The following SMIM14 variants were observed in gnomAD, a reference collection of about 807,000 sequenced individuals.
The protein encoded by SMIM14 is chromosome 4 open reading frame 34.
A neutral mutation model predicts 12.6 loss-of-function variants in SMIM14; 5 were observed. The observed-to-expected ratio is 0.40, with a 90% confidence interval of 0.21 to 0.83. The LOEUF is 0.83. Among genes scored for constraint, SMIM14 ranks in the 40% least tolerant of loss-of-function variants. The pLI is 0.37. For missense variants in SMIM14, 86 were observed against 119.1 expected, an observed-to-expected ratio of 0.72 and a Z score of 1.29; for synonymous variants, 30 against 40.1, an observed-to-expected ratio of 0.75 and a Z score of 0.95.
Position 39,610,276 on chromosome 4 carries a change from C to T in SMIM14, c.-35-5096G>A, listed in dbSNP as rs143907083. Among the ~76,000 whole-genome samples, 5 of 152,226 alleles carry T rather than the reference C, an allele frequency of 3.3e-5. No homozygotes were observed. In the East Asian group the frequency reaches 5.8e-4, roughly 18 times the overall value. Reference sequence around the variant, plus strand: ...TGCTGAAATTACAGGTGTGAGCCACCGCGCCTGGTCCAATTTAACTTTTAA... The same window carrying T: ...TGCTGAAATTACAGGTGTGAGCCACTGCGCCTGGTCCAATTTAACTTTTAA... On this transcript the variant is annotated intron_variant, in intron 1 of 4. Transcript: ENST00000295958.
At chr4:39,638,696 G>A (rs1716198130) in intron 1 of SMIM14, 43 bp downstream of exon 1, 1 of 985,384 alleles carries the variant, frequency 1.0e-6, no homozygotes, top group Non-Finnish European at 1.2e-6. Flanking sequence ...GGCGAGGGGA[G>A]GGTGAGCCAG....
At chr4:39,553,717 A>G (rs1578305371) in intron 4 of SMIM14, among the ~76,000 whole-genome samples, 1 of 150,542 alleles carries the variant, frequency 6.6e-6, no homozygotes, top group Non-Finnish European at 1.5e-5. Context: ...CCTCAGCCTC[A>G]CAAGTAGCTG....
chr4:39,630,331 A>G (rs1017447625), intron 1 of SMIM14, among the ~76,000 whole-genome samples: 6 of 152,202 alleles, frequency 3.9e-5, no homozygotes, highest in Non-Finnish European at 7.3e-5. Context: ...ACTTGAGCCC[A>G]GGAGTTCAAG....
intron 2 of SMIM14, among the ~76,000 whole-genome samples, chr4:39,603,955 G>T (rs1432429141): frequency 6.6e-6 from 1 of 150,942 alleles, no homozygotes; most frequent in African/African-American, 2.4e-5. Context: ...AGGTTGCAGT[G>T]AGCCGAGATC....
At chr4:39,624,994 C>T (rs1329426568) in intron 1 of SMIM14, among the ~76,000 whole-genome samples, 1 of 150,876 alleles carries the variant, frequency 6.6e-6, no homozygotes, top group East Asian at 2.0e-4. Flanking sequence ...ATCATGAGGT[C>T]AGGAGTTTGA....
intron 1 of SMIM14, among the ~76,000 whole-genome samples, chr4:39,619,145 G>T (rs1010996097): frequency 1.4e-5 from 2 of 147,820 alleles, no homozygotes. Flanking sequence ...TGAGAAAATT[G>T]AGATAATTAT....
At chr4:39,622,488 C>T (rs188207004) in intron 1 of SMIM14, among the ~76,000 whole-genome samples, 48 of 152,348 alleles carry the variant, frequency 3.2e-4, no homozygotes, top group Non-Finnish European at 6.6e-4. Flanking sequence ...GCAACCTCCA[C>T]CTCCCGGATT....
chr4:39,627,834 G>A (rs896919404), intron 1 of SMIM14, among the ~76,000 whole-genome samples: 2 of 152,184 alleles, frequency 1.3e-5, no homozygotes, highest in African/African-American at 4.8e-5. Flanking sequence ...CCTGGTCAAG[G>A]TCCAGGGGTA....
At chr4:39,606,714 T>C (rs1714825737) in intron 1 of SMIM14, among the ~76,000 whole-genome samples, 1 of 149,134 alleles carries the variant, frequency 6.7e-6, no homozygotes, top group Non-Finnish European at 1.5e-5. Flanking sequence ...GAAAAACAAA[T>C]GAGATGAGCC....
At chr4:39,605,712 C>A (rs1006336329) in intron 1 of SMIM14, among the ~76,000 whole-genome samples, 1 of 152,136 alleles carries the variant, frequency 6.6e-6, no homozygotes, top group South Asian at 2.1e-4. Flanking sequence ...AAAAATTAGA[C>A]AAAATACATG....
At chr4:39,630,209 C>T (rs936257241) in intron 1 of SMIM14, among the ~76,000 whole-genome samples, 2 of 151,858 alleles carry the variant, frequency 1.3e-5, no homozygotes, top group Non-Finnish European at 2.9e-5. Flanking sequence ...GACCAGCCTG[C>T]CAAGGTGGTG....
chr4:39,631,121 C>T (rs2109257336), intron 1 of SMIM14, among the ~76,000 whole-genome samples: 1 of 151,912 alleles, frequency 6.6e-6, no homozygotes, highest in African/African-American at 2.4e-5. Flanking sequence ...CACTTGAGGT[C>T]AGGAGTTCGA....
intron 1 of SMIM14, among the ~76,000 whole-genome samples, chr4:39,614,315 T>G (rs2110067086): frequency 6.6e-6 from 1 of 151,798 alleles, no homozygotes; most frequent in African/African-American, 2.4e-5. Flanking sequence ...TCTGGGGAGT[T>G]CCTATGCTAC....
Position 39,576,868 on chromosome 4 carries a change from C to T in SMIM14, c.76-4405G>A, listed in dbSNP as rs187132890. On this transcript the variant is annotated intron_variant, in intron 2 of 4. Coordinates refer to ENST00000295958, the MANE Select transcript of SMIM14 (RefSeq NM_174921.3). ...CTGGGATTACAGGCGCCTGCCATCA[C>T]GCCCGGCTAATTTTGTATTTTCAGT... Among the ~76,000 whole-genome samples the T allele has an allele frequency of 4.6e-3, 696 of 150,236 alleles. 5 individuals carry two copies. Among genetic ancestry groups the T allele is most frequent in the African/African-American group, 0.016 (654 of 41,076 alleles).
In SMIM14 at chr4:39,566,078, A is replaced by C. The variant is rs190997872; in HGVS notation, c.124+6337T>G. 2.6e-5 allele frequency among the ~76,000 whole-genome samples: 4 copies of C among 151,334 alleles called. No homozygotes were observed. In the Admixed American group the frequency reaches 2.7e-4, roughly 10 times the overall value. On this transcript the variant is annotated intron_variant, in intron 3 of 4. Coordinates refer to ENST00000295958, the MANE Select transcript of SMIM14 (RefSeq NM_174921.3). ...TAAATTAGCAGTGTGAAGACTGACT[A>C]ATACAGACAGTTAAGAACCTGTTGC...
At chr4:39,589,155 C>G (rs909703324) in intron 2 of SMIM14, among the ~76,000 whole-genome samples, 3 of 152,216 alleles carry the variant, frequency 2.0e-5, no homozygotes, top group Admixed American at 6.5e-5. Context: ...GGCGCGATCT[C>G]TGCACACTGT....
Position 39,546,439 on chromosome 4 carries a change from A to G in SMIM14, c.*5687T>C, listed in dbSNP as rs1747350459. 1 of 152,232 alleles carries G rather than the reference A, an allele frequency of 6.6e-6. No individual in the cohort carries two copies. The highest frequency in any genetic ancestry group is 2.1e-4 in the South Asian group (1 of 4,836). 9.4% of individuals were successfully genotyped at this position (152,232 alleles called of 1,614,324 possible). On this transcript the variant is annotated 3_prime_UTR_variant, in exon 5 of 5. Coordinates refer to ENST00000295958, the MANE Select transcript of SMIM14 (RefSeq NM_174921.3). ...CTAATGGGAAAAGATCACACAGGTA[A>G]CTCCAATTTTTAAAAATATGATCAT...
Position 39,638,852 on chromosome 4 carries a change from T to C in SMIM14, c.-149A>G. ...CGGCTGCTCCGGACGCTGCTGCCAC[T>C]GCCGTTTCTGGCCGCCGGCTTCCTC... On this transcript the variant is annotated 5_prime_UTR_variant, in exon 1 of 5. Coordinates refer to ENST00000295958, the MANE Select transcript of SMIM14 (RefSeq NM_174921.3). 1 of 985,786 alleles carries C rather than the reference T, an allele frequency of 1.0e-6. No homozygotes were observed. Among genetic ancestry groups the C allele is most frequent in the Non-Finnish European group, 1.2e-6 (1 of 830,224 alleles). 61.1% of individuals were successfully genotyped at this position (985,786 alleles called of 1,614,324 possible).
At chr4:39,628,306 CA>C (rs1212530043) in intron 1 of SMIM14, among the ~76,000 whole-genome samples, 211 of 70,212 alleles carry the variant, frequency 3.0e-3, no homozygotes, top group Middle Eastern at 9.3e-3. Context: ...GACTCCATCA[CA>C]AAAAAAAAAA....
Sources: allele counts gnomAD v4.1 joint callset (sites outside exome capture counted in the v4.1 genomes callset), GRCh38; gene constraint gnomAD v4.1.1; transcripts MANE v1.5; gene names NCBI Gene and HGNC (gene_info 2026-07-23, HGNC 2026-07-21).